The following LSS variants were observed in gnomAD, a reference collection of about 807,000 sequenced individuals.
The protein encoded by LSS is 2,3-epoxysqualene-lanosterol cyclase.
In LSS, 90 loss-of-function variants were observed where a neutral mutation model predicts 110.3. The ratio of observed to expected loss-of-function variants is 0.82; its 90% CI spans 0.69 to 0.97. The LOEUF is 0.97. LSS is among the 50% of genes least tolerant of loss of function. The pLI is 0.00. For synonymous variants in LSS, 433 were observed against 400.0 expected (o/e 1.08, Z -0.98); for missense variants, 927 against 990.0 (o/e 0.94, Z 0.85).
rs747393098 is a variant in LSS, at chr21:46,216,357, G to A, written c.783+32C>T. On this transcript the variant is annotated intron_variant, in intron 7 of 21. Coordinates refer to ENST00000397728, the MANE Select transcript of LSS (RefSeq NM_002340.6). This position sits in a 1 kb window ranked among gnomAD's most constrained non-coding sequence, Gnocchi z 4.2. ...AGGCCCTGTGGGTCCCAGCCCCAGA[G>A]GCCTTCACTTTGTTCCCTGATGAGG... is the stretch of plus-strand genomic sequence containing the variant. The A allele has an allele frequency of 9.3e-6, 15 of 1,612,942 alleles. No individual in the cohort carries two copies. In the African/African-American group the frequency reaches 1.3e-4, roughly 14 times the overall value.
At chr21:46,198,800 T>C (rs1032282793) in intron 17 of LSS, among the ~76,000 whole-genome samples, 7 of 117,258 alleles carry the variant, frequency 6.0e-5, no homozygotes, top group African/African-American at 2.0e-4. Flanking sequence ...TCTTGACAGA[T>C]GGTACCAAAA....
intron 17 of LSS, among the ~76,000 whole-genome samples, chr21:46,199,585 T>C (rs1348927584): frequency 6.6e-6 from 1 of 152,128 alleles, no homozygotes; most frequent in Non-Finnish European, 1.5e-5. Flanking sequence ...TTGCCAAAAC[T>C]TGGAAGCAAG....
At position 46,196,221 on chromosome 21, in the gene LSS, C is replaced by T. The variant is rs2079907959; in HGVS notation, c.1717G>A (p.Ala573Thr). 1 of 1,614,150 alleles carries T rather than the reference C, an allele frequency of 6.2e-7. No individual in the cohort carries two copies. Among genetic ancestry groups the T allele is most frequent in the African/African-American group, 1.3e-5 (1 of 75,064 alleles). ...GLEFCRRQQRADGSWEGSWGV... is the reference protein window; with the variant it reads ...GLEFCRRQQRTDGSWEGSWGV... ...ACTCACCCTTCCCAGGAGCCATCGG[C>T]CCTCTGCTGCCGCCGACAGAACTCT... The change falls in exon 18 of 22, where the codon GCC becomes ACC. Residue 573 changes from alanine (A) to threonine (T), a missense_variant. Ala to Thr is a moderately conservative substitution (Grantham distance 58). Transcript: ENST00000397728.
intron 9 of LSS, 33 bp downstream of exon 9, chr21:46,215,147 G>T: frequency 6.4e-7 from 1 of 1,573,216 alleles, no homozygotes. Context: ...AACCCCCAGG[G>T]GCTGCAGTCA....
Position 46,196,399 on chromosome 21 carries a change from C to T in LSS, c.1671-132G>A. 1.1e-5 allele frequency: 8 copies of T among 729,758 alleles called. No homozygotes were observed. In the South Asian group the frequency reaches 1.3e-4, roughly 12 times the overall value. 45.2% of individuals were successfully genotyped at this position (729,758 alleles called of 1,614,324 possible). ...AAACCACATAAAAATAAACAGTTTA[C>T]ACAGACCGATGAGGGTTTTAAAAAG... On this transcript the variant is annotated intron_variant, in intron 17 of 21. Coordinates refer to ENST00000397728, the MANE Select transcript of LSS (RefSeq NM_002340.6).
chr21:46,194,510 T>C lies in LSS; in HGVS notation c.1969A>G (p.Met657Val). 6.2e-7 allele frequency: 1 copy of C among 1,613,732 alleles called. No homozygotes were observed. The highest frequency in any genetic ancestry group is 8.5e-7 in the Non-Finnish European group (1 of 1,180,028). Residue 657 changes from methionine (M) to valine (V), a missense_variant, in exon 20 of 22, where the codon ATG becomes GTG. Met to Val is a conservative substitution (Grantham distance 21, BLOSUM62 1). Coordinates refer to ENST00000397728, the MANE Select transcript of LSS (RefSeq NM_002340.6). ...SQIHNTCWAM[M>V]GLMAVRHPDI... ...CCCCACCGAACGGCCATCAGCCCCA[T>C]CATGGCCCAGCATGTGTTATGGATC...
rs73144744 is a variant in LSS at position 46,191,371 on chromosome 21, T to C, written c.2068-136A>G. 0.12 allele frequency: 110,687 copies of C among 917,238 alleles called. 7,933 individuals are homozygous for C. Among genetic ancestry groups the C allele is most frequent in the Middle Eastern group, 0.2 (743 of 3,782 alleles). The allele number at this position is 917,238 out of a possible 1,614,324, so 56.8% of individuals were successfully genotyped here. On this transcript the variant is annotated intron_variant, in intron 21 of 21. Transcript: ENST00000397728. Reference sequence around the variant, plus strand: ...GGAAAGGGCTAATTAAGCAAGAGCATAGGAAAGCAAGTAGTCCATCCCGCA... The same window carrying C: ...GGAAAGGGCTAATTAAGCAAGAGCACAGGAAAGCAAGTAGTCCATCCCGCA...
chr21:46,218,102 C>T (rs2080229997), intron 6 of LSS, among the ~76,000 whole-genome samples: 2 of 123,160 alleles, frequency 1.6e-5, no homozygotes, highest in South Asian at 6.7e-4. Context: ...TGACCCCCCA[C>T]CCCCCACCCC....
Position 46,210,719 on chromosome 21 carries a change from T to TC in LSS, c.1162dup (p.Asp388GlyfsTer11), listed in dbSNP as rs1301323153. 1.9e-6 allele frequency: 3 copies of TC among 1,613,940 alleles called. No homozygotes were observed. The highest frequency in any genetic ancestry group is 2.5e-6 in the Non-Finnish European group (3 of 1,179,982). ...CAGAGCCTGGATGGCGAATGCGGTG[T>TC]CCCAGATCTGTGAGCCGTTGGTGCC... On this transcript the variant is annotated frameshift_variant, in exon 12 of 22. Transcript: ENST00000397728.
At position 46,219,497 on chromosome 21, in the gene LSS, T is replaced by G. The variant is rs766810560; in HGVS notation, c.626A>C (p.Asn209Thr). ...ATACCACATCTCTGGGAACAGGGTA[T>G]TGAGGCCTTCCCAGCTGTAAACATT... ...VLNVYSWEGL[N>T]TLFPEMWLFP... The change falls in exon 6 of 22, where the codon AAT (asparagine) becomes ACT (threonine). Residue 209 changes from asparagine to threonine, a missense_variant. Coordinates refer to ENST00000397728, the MANE Select transcript of LSS (RefSeq NM_002340.6). The G allele has an allele frequency of 1.9e-6, 3 of 1,600,812 alleles. No homozygotes were observed. In the East Asian group the frequency reaches 6.9e-5, roughly 37 times the overall value.
At chr21:46,227,344 G>C in intron 3 of LSS, 1 of 585,960 alleles carries the variant, frequency 1.7e-6, no homozygotes. Context: ...TCTCTTATCA[G>C]AGAGCCTGTC....
chr21:46,209,993 C>T lies in LSS; in HGVS notation c.1195-368G>A, dbSNP rs1328085597. Among the ~76,000 whole-genome samples the T allele has an allele frequency of 3.9e-5, 6 of 151,908 alleles. No homozygotes were observed. The East Asian group carries it at 9.6e-4, about 24-fold the overall frequency. ...AGAATCCCACCTACCTCATTCCCAC[C>T]GGCATAAAAATCCACTCTCGTTTTT... On this transcript the variant is annotated intron_variant, in intron 12 of 21. Coordinates refer to ENST00000397728, the MANE Select transcript of LSS (RefSeq NM_002340.6). This position sits in a 1 kb window ranked among gnomAD's most constrained non-coding sequence, Gnocchi z 4.4.
At position 46,188,711 on chromosome 21, in the gene LSS, A is replaced by G. The variant is rs116670456; in HGVS notation, c.*2393T>C. ...TCCCTCTAAACAATGGATTGAACAC[A>G]GATGTGATTTCTAAAGAAGACTGAA... On this transcript the variant is annotated 3_prime_UTR_variant, in exon 22 of 22. Coordinates refer to ENST00000397728, the MANE Select transcript of LSS (RefSeq NM_002340.6). 6.3e-4 allele frequency: 298 copies of G among 471,128 alleles called. 1 individual carries two copies. The highest frequency in any genetic ancestry group is 5.5e-3 in the African/African-American group (276 of 50,188). The allele number at this position is 471,128 out of a possible 1,614,324, so 29.2% of individuals were successfully genotyped here.
chr21:46,213,970 T>G, intron 9 of LSS, 135 bp from the exon 10 acceptor site: 1 of 669,470 alleles, frequency 1.5e-6, no homozygotes, highest in Non-Finnish European at 2.7e-6. Context: ...GACAGGGGCC[T>G]TCTGCTCTAA....
At chr21:46,198,289 G>C (rs115295783) in intron 17 of LSS, among the ~76,000 whole-genome samples, 6,556 of 149,390 alleles carry the variant, frequency 0.044, 192 homozygotes, top group Middle Eastern at 0.12. Context: ...AAAAGGGTCA[G>C]TTGTTTTCCT....
intron 9 of LSS, among the ~76,000 whole-genome samples, chr21:46,214,244 C>T (rs568090699): frequency 1.1e-4 from 17 of 152,358 alleles, no homozygotes; most frequent in Non-Finnish European, 1.6e-4. Flanking sequence ...ACCACTTGCC[C>T]CCCTTCTTCC....
chr21:46,198,148 T>C (rs1468295924), intron 17 of LSS, among the ~76,000 whole-genome samples: 1 of 151,976 alleles, frequency 6.6e-6, no homozygotes, highest in Non-Finnish European at 1.5e-5. Flanking sequence ...ATGCCTGTGG[T>C]CCTAGCTGCT....
At chr21:46,195,488 C>A (rs143843669) in intron 19 of LSS, among the ~76,000 whole-genome samples, 188 bp downstream of exon 19, 2 of 152,310 alleles carry the variant, frequency 1.3e-5, no homozygotes, top group East Asian at 3.9e-4. Flanking sequence ...CTTGAGCCCA[C>A]GAGTTTGAGA....
At position 46,215,147 on chromosome 21, in the gene LSS, G is replaced by A. The variant is rs572449159; in HGVS notation, c.1011+33C>T. 9 of 1,573,216 alleles carry A rather than the reference G, an allele frequency of 5.7e-6. No individual in the cohort carries two copies. The East Asian group carries it at 6.7e-5, about 12-fold the overall frequency. On this transcript the variant is annotated intron_variant, in intron 9 of 21. Coordinates refer to ENST00000397728, the MANE Select transcript of LSS (RefSeq NM_002340.6). The stretch of plus-strand genomic sequence containing the variant: ...TCACTTTCGGACCTCAACCCCCAGG[G>A]GCTGCAGTCAGAGGCCGGGCAGGGG...
Sources: gnomAD v4.1 joint callset for allele counts (sites outside exome capture counted in the v4.1 genomes callset) on GRCh38, gnomAD v4.1.1 for gene constraint, Gnocchi (gnomAD v3.1) non-coding constraint, MANE v1.5 for transcripts, NCBI Gene and HGNC (gene_info 2026-07-23, HGNC 2026-07-21) for gene names.